Variants in PPM1H observed in about 807,000 individuals in gnomAD.
PPM1H encodes protein phosphatase 1H.
A neutral mutation model predicts 54.9 loss-of-function variants in PPM1H; 27 were observed. The ratio of observed to expected loss-of-function variants is 0.49; its 90% confidence interval spans 0.36 to 0.68. The LOEUF is 0.68. Ranked by LOEUF, PPM1H falls within the 30% of genes least tolerant of loss-of-function variation. The pLI is 0.00. For synonymous variants in PPM1H, 305 were observed against 270.8 expected (o/e 1.13, Z -1.24); for missense variants, 596 against 667.8 (o/e 0.89, Z 1.19).
At chr12:62,660,648 G>C (rs57456230) in intron 9 of PPM1H, among the ~76,000 whole-genome samples, 3 of 151,994 alleles carry the variant, frequency 2.0e-5, no homozygotes, top group African/African-American at 7.3e-5. Context: ...TGCAGAAAAA[G>C]GAAACCAGAG....
chr12:62,752,019 T>C (rs2076445027), intron 4 of PPM1H, among the ~76,000 whole-genome samples: 1 of 152,184 alleles, frequency 6.6e-6, no homozygotes. Context: ...CATCTCTCAT[T>C]CGTTGAACAT....
chr12:62,789,678 C>T (rs28634479), intron 3 of PPM1H, among the ~76,000 whole-genome samples: 4,771 of 152,216 alleles, frequency 0.031, 242 homozygotes, highest in African/African-American at 0.11. Flanking sequence ...TCACTATGAA[C>T]CTCATTGTTT....
chr12:62,870,688 T>C (rs1397225978), intron 1 of PPM1H, among the ~76,000 whole-genome samples: 2 of 152,190 alleles, frequency 1.3e-5, no homozygotes, highest in East Asian at 3.8e-4. Context: ...GACAGGTTTG[T>C]TCTTAGACTG....
At chr12:62,654,551 A>T (rs1056916413) in intron 9 of PPM1H, among the ~76,000 whole-genome samples, 1 of 152,304 alleles carries the variant, frequency 6.6e-6, no homozygotes, top group Non-Finnish European at 1.5e-5. Context: ...AGGCACTTGG[A>T]TCTCTCAAGT....
intron 5 of PPM1H, chr12:62,720,930 T>C (rs1193288315): frequency 6.6e-6 from 1 of 152,504 alleles, no homozygotes; most frequent in African/African-American, 2.4e-5. Flanking sequence ...AACAGTCTCA[T>C]TGTCACATTC....
chr12:62,777,824 T>G (rs1376190485), intron 4 of PPM1H, among the ~76,000 whole-genome samples: 1 of 152,228 alleles, frequency 6.6e-6, no homozygotes, highest in East Asian at 1.9e-4. Flanking sequence ...CCCTGCCTGA[T>G]TAATGTAATC....
chr12:62,934,973 T>G lies in PPM1H; in HGVS notation c.-237A>C, dbSNP rs1477371435. ...GCTACACTTCCGCAACGGAGCTGCATGGAGCGGGCCGACCGGGGGAGTCAC... is the reference window on the plus strand; with the variant it reads ...GCTACACTTCCGCAACGGAGCTGCAGGGAGCGGGCCGACCGGGGGAGTCAC... On this transcript the variant is annotated 5_prime_UTR_variant, in exon 1 of 10. The change abolishes an upstream ATG in the 5' untranslated region. Coordinates refer to ENST00000228705, the MANE Select transcript of PPM1H (RefSeq NM_020700.2). This position sits in a 1 kb window ranked among gnomAD's most constrained non-coding sequence, Gnocchi z 4.2. The G allele has an allele frequency of 7.5e-6, 2 of 267,916 alleles. No individual in the cohort carries two copies. The highest frequency in any genetic ancestry group is 2.3e-5 in the African/African-American group (1 of 44,414). 16.6% of individuals were successfully genotyped at this position (267,916 alleles called of 1,614,324 possible).
rs2076685161 is a variant in PPM1H, at chr12:62,788,335, G to A, written c.760C>T (p.Leu254=). The change falls in exon 4 of 10, where the codon CTA becomes TTA. Residue 254 remains leucine (L), a synonymous_variant. Transcript: ENST00000228705. ...ALESAFKEMD[L]QIERERSSYN... ...GAACTCCTCTCTCGTTCTATCTGTAGGTCCTGGAGAATAAAACAGAGTTAG... is the reference window on the plus strand; with the variant it reads ...GAACTCCTCTCTCGTTCTATCTGTAAGTCCTGGAGAATAAAACAGAGTTAG... 1.3e-6 allele frequency: 2 copies of A among 1,542,420 alleles called. No individual in the cohort carries two copies. The highest frequency in any genetic ancestry group is 1.9e-5 in the Admixed American group (1 of 53,002).
intron 6 of PPM1H, among the ~76,000 whole-genome samples, chr12:62,698,547 G>A (rs1015749): frequency 0.091 from 13,807 of 152,104 alleles, 667 homozygotes; most frequent in Admixed American, 0.11. Flanking sequence ...ATACTGTGGT[G>A]GTGGCCCTCT....
chr12:62,752,021 G>A (rs1015661977), intron 4 of PPM1H, among the ~76,000 whole-genome samples: 7 of 152,160 alleles, frequency 4.6e-5, no homozygotes, highest in Non-Finnish European at 8.8e-5. Context: ...TCTCTCATTC[G>A]TTGAACATAA....
At chr12:62,770,128 AT>A (rs973015011) in intron 4 of PPM1H, among the ~76,000 whole-genome samples, 1 of 124,550 alleles carries the variant, frequency 8.0e-6, no homozygotes, top group Non-Finnish European at 1.8e-5. Context: ...CCTAGTTTTT[AT>A]TTTTTTTCCA....
chr12:62,727,637 A>ATATTATTATCATTAT, intron 5 of PPM1H, among the ~76,000 whole-genome samples: 1 of 139,808 alleles, frequency 7.2e-6, no homozygotes, highest in East Asian at 2.1e-4. Flanking sequence ...TAAAATGCAA[A>ATATTATTATCATTAT]TATTATTATT....
At chr12:62,820,020 C>A (rs889777608) in intron 2 of PPM1H, among the ~76,000 whole-genome samples, 3 of 152,204 alleles carry the variant, frequency 2.0e-5, no homozygotes, top group African/African-American at 4.8e-5. Context: ...CCTTTCCCAG[C>A]CAAGGGAATC....
At chr12:62,754,716 TAAAAGAAA>T (rs2076460765) in intron 4 of PPM1H, among the ~76,000 whole-genome samples, 2 of 152,236 alleles carry the variant, frequency 1.3e-5, no homozygotes, top group Admixed American at 6.5e-5. Context: ...CTTGTCCAGC[TAAAAGAAA>T]TGTTAAGCCA....
rs545206982 is a variant in PPM1H, at chr12:62,663,429, C to T, written c.1397+3749G>A. ...CTTGAACTCCCAGGTTCAGGTGATCCTCCTGCTTCAGCCTCCCAAAGGGTT... is the reference window on the plus strand; with the variant it reads ...CTTGAACTCCCAGGTTCAGGTGATCTTCCTGCTTCAGCCTCCCAAAGGGTT... On this transcript the variant is annotated intron_variant, in intron 9 of 9. Coordinates refer to ENST00000228705, the MANE Select transcript of PPM1H (RefSeq NM_020700.2). 2.8e-4 allele frequency among the ~76,000 whole-genome samples: 42 copies of T among 152,222 alleles called. 1 individual carries two copies. Among genetic ancestry groups the T allele is most frequent in the African/African-American group, 9.9e-4 (41 of 41,538 alleles).
rs572089756 is a variant in PPM1H at position 62,713,419 on chromosome 12, C to T, written c.1073+6752G>A. ...CTGGGCTGCTTGAGGAGGGGAGGTG[C>T]GCTACTGACTAGGGCTGATGAAATG... On this transcript the variant is annotated intron_variant, in intron 6 of 9. Transcript: ENST00000228705. 1.1e-4 allele frequency among the ~76,000 whole-genome samples: 17 copies of T among 152,058 alleles called. No individual in the cohort carries two copies. In the South Asian group the frequency reaches 1.9e-3, roughly 17 times the overall value.
intron 2 of PPM1H, among the ~76,000 whole-genome samples, chr12:62,828,624 G>A (rs2120843262): frequency 6.6e-6 from 1 of 152,202 alleles, no homozygotes; most frequent in East Asian, 1.9e-4. Context: ...CTCTAAGTAG[G>A]GATTTTGTCT....
chr12:62,885,757 T>C (rs1870564823), intron 1 of PPM1H, among the ~76,000 whole-genome samples: 1 of 152,224 alleles, frequency 6.6e-6, no homozygotes, highest in East Asian at 1.9e-4. Context: ...TTTTTCTGTA[T>C]CTCAAACTGA....
intron 4 of PPM1H, among the ~76,000 whole-genome samples, 180 bp from the exon 5 acceptor site, chr12:62,737,766 T>C (rs2076358619): frequency 6.6e-6 from 1 of 152,202 alleles, no homozygotes; most frequent in African/African-American, 2.4e-5. Context: ...GCATCTCTCT[T>C]TTAAGTGCAT....
Sources: gnomAD v4.1 joint callset for allele counts (sites outside exome capture counted in the v4.1 genomes callset) on GRCh38, gnomAD v4.1.1 for gene constraint, Gnocchi (gnomAD v3.1) non-coding constraint, MANE v1.5 for transcripts, NCBI Gene and HGNC (gene_info 2026-07-23, HGNC 2026-07-21) for gene names.